RFC5: variants seen among roughly 807,000 people sequenced by gnomAD.
RFC5 encodes the protein replication factor C subunit 5, also known as A1 36 kDa subunit.
A neutral mutation model predicts 44.3 loss-of-function variants in RFC5; 26 were observed. The ratio of observed to expected loss-of-function variants is 0.59; its 90% CI spans 0.43 to 0.81. The LOEUF is 0.81. Among genes scored for constraint, RFC5 ranks in the 40% least tolerant of loss-of-function variants. RFC5 has a pLI of 0.00. For missense variants in RFC5, 328 were observed against 418.6 expected (o/e 0.78, Z 1.89); for synonymous variants, 155 against 155.2 (o/e 1.00, Z 0.01).
intron 8 of RFC5, 133 bp from the exon 9 acceptor site, chr12:118,027,820 A>G: frequency 3.2e-6 from 2 of 617,788 alleles, no homozygotes; most frequent in Non-Finnish European, 2.9e-6. Flanking sequence ...TGCAGCTTCA[A>G]GTTGAAAGAG....
intron 1 of RFC5, chr12:118,018,052 A>C (rs1054220131): frequency 1.4e-6 from 1 of 701,454 alleles, no homozygotes; most frequent in Admixed American, 2.0e-5. Context: ...TGGACATTTC[A>C]TGTAAGTGGA....
At chr12:118,039,537 G>A in the RFC5 span, among the ~76,000 whole-genome samples, 1 of 152,072 alleles carries the variant, frequency 6.6e-6, no homozygotes, top group Non-Finnish European at 1.5e-5. Context: ...ATATGGAAGG[G>A]TATATACTCC....
Position 118,019,236 on chromosome 12 carries a change from A to T in RFC5, c.130+100A>T. On this transcript the variant is annotated intron_variant, in intron 2 of 10. Transcript: ENST00000454402. This position sits in a 1 kb window ranked among gnomAD's most constrained non-coding sequence, Gnocchi z 4.2. The stretch of plus-strand genomic sequence containing the variant: ...CTAAGTAATAACTTCAAAGAATCTG[A>T]TTGCGCTTTGTAGAATGTGGCTTTA... 2 of 879,900 alleles carry T rather than the reference A, an allele frequency of 2.3e-6. No individual in the cohort carries two copies. The highest frequency in any genetic ancestry group is 3.8e-6 in the Non-Finnish European group (2 of 525,866). The allele number at this position is 879,900 out of a possible 1,614,324, so 54.5% of individuals were successfully genotyped here.
chr12:118,018,141 T>C, intron 1 of RFC5: 1 of 626,260 alleles, frequency 1.6e-6, no homozygotes, highest in South Asian at 1.9e-5. Context: ...TGTTGCTGCT[T>C]GTATCAGTAG....
At chr12:118,040,297 C>T in the RFC5 span, among the ~76,000 whole-genome samples, 7 of 152,070 alleles carry the variant, frequency 4.6e-5, no homozygotes, top group South Asian at 2.1e-4. Context: ...ACTTTATTCC[C>T]CTCCTCTCCT....
At chr12:118,026,439 C>G (rs1156233856) in intron 7 of RFC5, among the ~76,000 whole-genome samples, 1 of 152,040 alleles carries the variant, frequency 6.6e-6, no homozygotes, top group Non-Finnish European at 1.5e-5. Flanking sequence ...TCTGTCTCCA[C>G]TAAAAAATCA....
the RFC5 span, among the ~76,000 whole-genome samples, chr12:118,041,371 A>G: frequency 6.6e-6 from 1 of 152,184 alleles, no homozygotes; most frequent in South Asian, 2.1e-4. Context: ...GCTCACAGAC[A>G]CCAAAACTAC....
downstream of RFC5, chr12:118,036,608 G>A: frequency 1.5e-6 from 2 of 1,292,146 alleles, no homozygotes; most frequent in Non-Finnish European, 2.1e-6. Context: ...TGCAGGCCCT[G>A]CAGCCAGGGC....
downstream of RFC5, chr12:118,032,327 T>C (rs1353896095): frequency 6.6e-6 from 1 of 152,236 alleles, no homozygotes; most frequent in Non-Finnish European, 1.5e-5. Flanking sequence ...CGGCAAAGTA[T>C]GAAGCTAAAT....
intron 4 of RFC5, among the ~76,000 whole-genome samples, chr12:118,021,579 G>A (rs993653449): frequency 1.3e-5 from 2 of 151,610 alleles, no homozygotes; most frequent in Non-Finnish European, 2.9e-5. Context: ...CCCTAAGACT[G>A]GATGAGCTAG....
downstream of RFC5, chr12:118,034,790 T>A (rs2031468058): frequency 1.7e-6 from 1 of 590,020 alleles, no homozygotes; most frequent in African/African-American, 1.9e-5. Context: ...GATCTTTAAT[T>A]ACATTTAGGT....
At chr12:118,038,291 C>G in the RFC5 span, 2 of 1,613,160 alleles carry the variant, frequency 1.2e-6, no homozygotes, top group East Asian at 4.5e-5. Context: ...GACTCACCGA[C>G]TTCTCTCCAG....
At chr12:118,036,215 T>G, downstream of RFC5, 2 of 1,178,000 alleles carry the variant, frequency 1.7e-6, no homozygotes, top group Non-Finnish European at 2.4e-6. Context: ...AGAGACCCAC[T>G]GTGCCTTTTT....
In RFC5 at chr12:118,019,771, A is replaced by G. The variant is rs1012324490; in HGVS notation, c.267+3A>G. 6 of 1,612,058 alleles carry G rather than the reference A, an allele frequency of 3.7e-6. No individual in the cohort carries two copies. The East Asian group carries it at 1.1e-4, about 30-fold the overall frequency. On this transcript the variant is annotated splice_donor_region_variant and intron_variant, in intron 3 of 10. Coordinates refer to ENST00000454402, the MANE Select transcript of RFC5 (RefSeq NM_007370.7). The surrounding 1 kb of genome is among the most constrained non-coding windows in gnomAD (Gnocchi z 4.2). ...AATTTGGCTCCATGGTCTTGGAGGTAAATAAGATTGTTCTTACTCTACAAA... is the reference window on the plus strand; with the variant it reads ...AATTTGGCTCCATGGTCTTGGAGGTGAATAAGATTGTTCTTACTCTACAAA...
chr12:118,028,152 C>G, intron 9 of RFC5, 122 bp downstream of exon 9: 1 of 688,162 alleles, frequency 1.5e-6, no homozygotes, highest in Non-Finnish European at 2.6e-6. Flanking sequence ...GTAAATCAGA[C>G]CCTTCTTGTT....
intron 10 of RFC5, 99 bp from the exon 11 acceptor site, chr12:118,031,083 C>T: frequency 3.9e-6 from 3 of 763,900 alleles, no homozygotes; most frequent in Non-Finnish European, 6.7e-6. Context: ...CCCATCCCCA[C>T]TCCTTCAACA....
downstream of RFC5, chr12:118,035,012 A>G (rs746810951): frequency 6.2e-6 from 10 of 1,614,196 alleles, no homozygotes. Flanking sequence ...CACCATGTGG[A>G]AAAAATGTGC....
At chr12:118,020,672 C>A (rs1264410717) in intron 3 of RFC5, among the ~76,000 whole-genome samples, 2 of 152,172 alleles carry the variant, frequency 1.3e-5, no homozygotes, top group Admixed American at 1.3e-4. Context: ...TTAATTATTT[C>A]TCCAATTTAT....
chr12:118,022,974 T>C (rs370741710), intron 5 of RFC5, among the ~76,000 whole-genome samples: 100 of 152,292 alleles, frequency 6.6e-4, no homozygotes, highest in African/African-American at 2.3e-3. Flanking sequence ...CAGTCACTGG[T>C]GTTCAACCTC....
Sources: allele counts gnomAD v4.1 joint callset (sites outside exome capture counted in the v4.1 genomes callset), GRCh38; gene constraint gnomAD v4.1.1; non-coding constraint Gnocchi (gnomAD v3.1); transcripts MANE v1.5; gene names NCBI Gene and HGNC (gene_info 2026-07-23, HGNC 2026-07-21).